The following PLCZ1 variants were observed in gnomAD, a reference collection of about 807,000 sequenced individuals.
The protein encoded by PLCZ1 is 1-phosphatidylinositol 4,5-bisphosphate phosphodiesterase zeta-1.
A neutral mutation model predicts 76.8 loss-of-function variants in PLCZ1; 64 were observed. That is an observed-to-expected ratio of 0.83 (90% CI 0.68 to 1.03). PLCZ1 has a LOEUF of 1.03. PLCZ1 is among the 50% of genes least tolerant of loss of function. The pLI is 0.00. For missense variants in PLCZ1, 751 were observed against 713.7 expected (o/e 1.05, Z -0.60); for synonymous variants, 248 against 230.8 (o/e 1.07, Z -0.68).
intron 12 of PLCZ1, chr12:18,693,584 T>C (rs1182615859): frequency 6.3e-7 from 1 of 1,590,622 alleles, no homozygotes; most frequent in Non-Finnish European, 8.6e-7. Context: ...CGGACGGGAA[T>C]TGTTTCGAGT....
At position 18,686,108 on chromosome 12, in the gene PLCZ1, G is replaced by A. The variant is rs28591638; in HGVS notation, c.1592-1829C>T. Among the ~76,000 whole-genome samples the A allele has an allele frequency of 1.9e-3, 283 of 151,936 alleles. 4 individuals carry two copies. In the East Asian group the frequency reaches 0.039, roughly 21 times the overall value. The stretch of plus-strand genomic sequence containing the variant: ...CAGCCATCTGGACGTTGACTTCTGC[G>A]CAGTGTTTCTCACTTACATCCCCCA... On this transcript the variant is annotated intron_variant, in intron 13 of 14. Transcript: ENST00000266505.
At chr12:18,667,867 G>C in the PLCZ1 span, among the ~76,000 whole-genome samples, 1 of 152,146 alleles carries the variant, frequency 6.6e-6, no homozygotes, top group African/African-American at 2.4e-5. Context: ...TAAGAGGAGA[G>C]ATTCTGCCCA....
intron 7 of PLCZ1, among the ~76,000 whole-genome samples, chr12:18,703,612 C>A (rs939761278): frequency 6.6e-6 from 1 of 152,174 alleles, no homozygotes; most frequent in Admixed American, 6.5e-5. Context: ...GTTAAGCAAA[C>A]CCCTTAGAGT....
At chr12:18,650,196 C>T in the PLCZ1 span, among the ~76,000 whole-genome samples, 8 of 151,682 alleles carry the variant, frequency 5.3e-5, no homozygotes, top group African/African-American at 1.9e-4. Context: ...GGGTTCTTTT[C>T]CCCCAGACCT....
chr12:18,726,999 A>G lies in PLCZ1; in HGVS notation c.136-3457T>C, dbSNP rs376216341. Among the ~76,000 whole-genome samples, 58 of 152,218 alleles carry G rather than the reference A, an allele frequency of 3.8e-4. No homozygotes were observed. The East Asian group carries it at 7.9e-3, about 21-fold the overall frequency. The stretch of plus-strand genomic sequence containing the variant: ...GTAACATATTGTCAGTGCCCTCTGG[A>G]AGCAGATAGTCTAGAAAAAGAAAGT... On this transcript the variant is annotated intron_variant, in intron 3 of 14. Transcript: ENST00000266505.
intron 3 of PLCZ1, among the ~76,000 whole-genome samples, chr12:18,733,048 GT>G (rs2150760831): frequency 6.6e-6 from 1 of 152,226 alleles, no homozygotes; most frequent in East Asian, 1.9e-4. Flanking sequence ...TTTCCACAAG[GT>G]TGTACCAGTT....
Position 18,701,706 on chromosome 12 carries a change from C to T in PLCZ1, c.935G>A (p.Gly312Asp), listed in dbSNP as rs756305954. The change falls in exon 8 of 15, where the codon GGT (glycine) becomes GAT (aspartate). Residue 312 changes from glycine to aspartate, a missense_variant. Gly to Asp is a moderately conservative substitution (Grantham distance 94). Coordinates refer to ENST00000266505, the MANE Select transcript of PLCZ1 (RefSeq NM_033123.4). The part of the protein sequence containing the change: ...GTLKETHERK[G>D]SDKRGDNQDK... ...CTCCACCTTACCACGCTTATCAGAA[C>T]CTTTTCTTTCATGGGTTTCCTTTAA... 1 of 1,611,576 alleles carries T rather than the reference C, an allele frequency of 6.2e-7. No individual in the cohort carries two copies. The highest frequency in any genetic ancestry group is 1.7e-5 in the Admixed American group (1 of 59,852).
intron 5 of PLCZ1, among the ~76,000 whole-genome samples, chr12:18,716,703 T>C (rs936590737): frequency 3.3e-5 from 5 of 152,230 alleles, no homozygotes; most frequent in African/African-American, 9.6e-5. Context: ...CTCTTAACTT[T>C]ATTTCATCTA....
At chr12:18,648,974 C>A in the PLCZ1 span, among the ~76,000 whole-genome samples, 1 of 152,070 alleles carries the variant, frequency 6.6e-6, no homozygotes, top group East Asian at 1.9e-4. Flanking sequence ...TTTCCCATCA[C>A]CTCCTCTATA....
At chr12:18,666,841 T>C in the PLCZ1 span, among the ~76,000 whole-genome samples, 2 of 152,208 alleles carry the variant, frequency 1.3e-5, no homozygotes, top group Non-Finnish European at 2.9e-5. Context: ...TTATGTGGTA[T>C]ATGGAAACTC....
intron 3 of PLCZ1, among the ~76,000 whole-genome samples, chr12:18,726,447 A>G (rs2150738094): frequency 6.6e-6 from 1 of 152,332 alleles, no homozygotes; most frequent in South Asian, 2.1e-4. Context: ...GACCGTGAAC[A>G]TCATGAAGGT....
chr12:18,708,022 G>A (rs1381349766), intron 6 of PLCZ1, among the ~76,000 whole-genome samples: 2 of 152,136 alleles, frequency 1.3e-5, no homozygotes, highest in East Asian at 3.9e-4. Context: ...TGTAGCAAGA[G>A]CAGCTAAAAT....
downstream of PLCZ1, among the ~76,000 whole-genome samples, chr12:18,682,071 T>A (rs1034960852): frequency 6.6e-5 from 10 of 152,018 alleles, no homozygotes; most frequent in Non-Finnish European, 1.5e-4. Flanking sequence ...TGGCTGTGCA[T>A]CCCTACTGGG....
intron 12 of PLCZ1, chr12:18,693,607 T>C: frequency 6.4e-7 from 1 of 1,573,860 alleles, no homozygotes; most frequent in Non-Finnish European, 8.7e-7. Context: ...CTGAAGAACG[T>C]GCACCGTCCA....
chr12:18,653,916 T>C, the PLCZ1 span, among the ~76,000 whole-genome samples: 1 of 152,104 alleles, frequency 6.6e-6, no homozygotes, highest in Non-Finnish European at 1.5e-5. Context: ...GAAAGCAATT[T>C]AAAGGACTAT....
chr12:18,662,549 A>G, the PLCZ1 span, among the ~76,000 whole-genome samples: 1 of 152,158 alleles, frequency 6.6e-6, no homozygotes, highest in African/African-American at 2.4e-5. Context: ...AAAGGTAAAT[A>G]CATGAACAAT....
At chr12:18,687,435 G>A (rs1953328375) in intron 13 of PLCZ1, among the ~76,000 whole-genome samples, 2 of 152,092 alleles carry the variant, frequency 1.3e-5, no homozygotes, top group East Asian at 1.9e-4. Context: ...ATCCTGACCA[G>A]GGATCAATCC....
chr12:18,726,528 C>A (rs761378290), intron 3 of PLCZ1, among the ~76,000 whole-genome samples: 2 of 152,036 alleles, frequency 1.3e-5, no homozygotes, highest in Non-Finnish European at 2.9e-5. Context: ...AATTACTATA[C>A]GTTTAAATGA....
chr12:18,730,515 G>T (rs1253496308), intron 3 of PLCZ1, among the ~76,000 whole-genome samples: 1 of 151,886 alleles, frequency 6.6e-6, no homozygotes, highest in Non-Finnish European at 1.5e-5. Flanking sequence ...ATTTTAGGGA[G>T]GTTTTTGAAG....
Sources: allele counts gnomAD v4.1 joint callset (sites outside exome capture counted in the v4.1 genomes callset), GRCh38; gene constraint gnomAD v4.1.1; transcripts MANE v1.5; gene names NCBI Gene and HGNC (gene_info 2026-07-23, HGNC 2026-07-21).